The following IFT74 variants were observed in gnomAD, a reference collection of about 807,000 sequenced individuals.
The protein encoded by IFT74 is intraflagellar transport 74.
In IFT74, 92 loss-of-function variants were observed where a neutral mutation model predicts 96.7. The observed-to-expected ratio is 0.95, with a 90% CI of 0.80 to 1.13. The LOEUF is 1.13. Ranked by LOEUF, IFT74 falls within the 50% of genes most tolerant of loss-of-function variation. IFT74 has a pLI of 0.00. For synonymous variants in IFT74, 223 were observed against 213.2 expected (o/e 1.05, Z -0.40); for missense variants, 811 against 698.2 (o/e 1.16, Z -1.82).
chr9:26,955,367 C>G (rs1266207427), upstream of IFT74, among the ~76,000 whole-genome samples: 2 of 152,160 alleles, frequency 1.3e-5, no homozygotes, highest in Non-Finnish European at 2.9e-5. Context: ...AACAGACTCT[C>G]TGAAGTCCTG....
At chr9:26,976,842 T>C in intron 2 of IFT74, 2 of 447,406 alleles carry the variant, frequency 4.5e-6, no homozygotes, top group Middle Eastern at 3.4e-4. Flanking sequence ...GGTCGTATAG[T>C]GTTATGTTGG....
intron 6 of IFT74, 74 bp from the exon 7 acceptor site, chr9:26,988,595 T>C: frequency 7.8e-7 from 1 of 1,286,784 alleles, no homozygotes; most frequent in Non-Finnish European, 1.1e-6. Flanking sequence ...ACTGAATACC[T>C]ATATTATTAA....
intron 19 of IFT74, among the ~76,000 whole-genome samples, chr9:27,061,695 A>ATATG (rs767187125): frequency 6.7e-6 from 1 of 148,480 alleles, no homozygotes; most frequent in Non-Finnish European, 1.5e-5. Flanking sequence ...ATATATATAT[A>ATATG]TGTACATAAT....
intron 8 of IFT74, among the ~76,000 whole-genome samples, chr9:27,007,586 G>A (rs1309467897): frequency 1.3e-5 from 2 of 152,116 alleles, no homozygotes. Flanking sequence ...ATTCCAGGTT[G>A]CTTTACTATG....
chr9:27,000,148 A>G (rs1164294412), intron 8 of IFT74, among the ~76,000 whole-genome samples: 1 of 152,002 alleles, frequency 6.6e-6, no homozygotes, highest in African/African-American at 2.4e-5. Flanking sequence ...CCATCCTTGC[A>G]CTCTGATCTT....
At chr9:26,968,015 G>A (rs1357507433) in intron 2 of IFT74, among the ~76,000 whole-genome samples, 2 of 147,930 alleles carry the variant, frequency 1.4e-5, no homozygotes, top group East Asian at 3.9e-4. Flanking sequence ...TTGCACCAAT[G>A]TTCATCAGGG....
intron 9 of IFT74, 89 bp from the exon 10 acceptor site, chr9:27,011,817 A>C: frequency 1.5e-6 from 1 of 674,242 alleles, no homozygotes; most frequent in Non-Finnish European, 2.3e-6. Flanking sequence ...ACAGAGAAAT[A>C]AATTTTTTTT....
upstream of IFT74, among the ~76,000 whole-genome samples, chr9:26,955,251 AAC>A (rs996812638): frequency 6.6e-6 from 1 of 152,198 alleles, no homozygotes; most frequent in African/African-American, 2.4e-5. Flanking sequence ...CTGAGTACCT[AAC>A]ACTGCAGCTT....
intron 8 of IFT74, among the ~76,000 whole-genome samples, chr9:27,001,913 A>C (rs1273375755): frequency 6.6e-6 from 1 of 150,846 alleles, no homozygotes; most frequent in Non-Finnish European, 1.5e-5. Context: ...AGTGTTCTAG[A>C]GCAATTCTCC....
chr9:27,013,041 T>G (rs1829181391), intron 10 of IFT74, among the ~76,000 whole-genome samples: 1 of 152,146 alleles, frequency 6.6e-6, no homozygotes. Context: ...GTGTCCTTCT[T>G]TCCAGATAGA....
At chr9:26,996,306 A>C in intron 8 of IFT74, 1 of 1,548,740 alleles carries the variant, frequency 6.5e-7, no homozygotes, top group Non-Finnish European at 8.9e-7. Context: ...GAACCAGTAT[A>C]TTACCTGAAT....
intron 2 of IFT74, among the ~76,000 whole-genome samples, chr9:26,963,674 C>T (rs942754843): frequency 5.3e-5 from 8 of 152,194 alleles, no homozygotes; most frequent in Non-Finnish European, 1.2e-4. Context: ...GATGGTGTCT[C>T]ATTGTGGTTT....
chr9:26,959,817 A>T (rs531539531), intron 1 of IFT74, among the ~76,000 whole-genome samples: 3 of 152,348 alleles, frequency 2.0e-5, no homozygotes, highest in African/African-American at 7.2e-5. Context: ...GAAGTATCTT[A>T]ACAAGGATAA....
Position 27,009,084 on chromosome 9 carries a change from A to G in IFT74, c.652A>G (p.Ile218Val), listed in dbSNP as rs778500217. ...IEQEKQATDD[I>V]IKNMSFENQV... ...ACAGGAAAAACAAGCAACAGATGAC[A>G]TTATCAAAAATATGTCTTTTGAAAA... Residue 218 changes from isoleucine (I) to valine (V), a missense_variant, in exon 9 of 20, where the codon ATT (isoleucine) becomes GTT (valine). Ile to Val is a conservative substitution (Grantham distance 29, BLOSUM62 3). Transcript: ENST00000380062. 1 of 1,612,720 alleles carries G rather than the reference A, an allele frequency of 6.2e-7. No individual in the cohort carries two copies. The highest frequency in any genetic ancestry group is 8.5e-7 in the Non-Finnish European group (1 of 1,178,882).
intron 8 of IFT74, among the ~76,000 whole-genome samples, chr9:26,996,061 T>C (rs1828138868): frequency 1.3e-5 from 2 of 152,184 alleles, no homozygotes; most frequent in African/African-American, 2.4e-5. Flanking sequence ...CCATTATTGA[T>C]TTATACTCGT....
At chr9:26,953,744 T>TAGTGACCCTCCCGCCTTGGCCTC (rs1554663626), upstream of IFT74, among the ~76,000 whole-genome samples, 1 of 151,972 alleles carries the variant, frequency 6.6e-6, no homozygotes, top group Non-Finnish European at 1.5e-5. Context: ...CTCCTGGCCT[T>TAGTGACCCTCCCGCCTTGGCCTC]AGTGACCCTC....
chr9:26,948,799 C>T (rs1825845350), intron 1 of IFT74, among the ~76,000 whole-genome samples: 1 of 152,026 alleles, frequency 6.6e-6, no homozygotes, highest in Non-Finnish European at 1.5e-5. Context: ...TACATAGGGC[C>T]TTTCACACAA....
chr9:27,009,204 A>G, intron 9 of IFT74, 46 bp downstream of exon 9: 2 of 1,548,446 alleles, frequency 1.3e-6, no homozygotes, highest in Non-Finnish European at 8.8e-7. Flanking sequence ...CATTCTTGCT[A>G]CTAAAAGTAT....
intron 10 of IFT74, among the ~76,000 whole-genome samples, chr9:27,015,938 C>CT (rs922361077): frequency 7.2e-5 from 11 of 151,928 alleles, no homozygotes; most frequent in Middle Eastern, 3.4e-3. Context: ...CCATTCCTAC[C>CT]TTTTTTTTGG....
Sources: gnomAD v4.1 joint callset for allele counts (sites outside exome capture counted in the v4.1 genomes callset) on GRCh38, gnomAD v4.1.1 for gene constraint, MANE v1.5 for transcripts, NCBI Gene and HGNC (gene_info 2026-07-23, HGNC 2026-07-21) for gene names.